TNKS: variants seen among roughly 807,000 people sequenced by gnomAD.
TNKS encodes the protein poly [ADP-ribose] polymerase tankyrase-1.
Under a neutral mutation model 135.8 loss-of-function variants are expected in TNKS, and 72 were observed. The observed-to-expected ratio is 0.53, with a 90% CI of 0.44 to 0.64. The LOEUF is 0.64. Among genes scored for constraint, TNKS ranks in the 30% least tolerant of loss-of-function variants. The pLI, the probability that TNKS is intolerant of heterozygous loss-of-function variation, is 0.00. For missense variants in TNKS, 1,769 were observed against 1,674.0 expected (o/e 1.06, Z -0.99); for synonymous variants, 849 against 649.3 (o/e 1.31, Z -4.68).
intron 3 of TNKS, among the ~76,000 whole-genome samples, chr8:9,672,591 A>G (rs1198251726): frequency 6.7e-6 from 1 of 148,926 alleles, no homozygotes; most frequent in East Asian, 2.0e-4. Flanking sequence ...GTTGTTTTGG[A>G]TCAAATAGGG....
At chr8:9,650,033 C>G (rs1056543902) in intron 3 of TNKS, among the ~76,000 whole-genome samples, 1 of 151,798 alleles carries the variant, frequency 6.6e-6, no homozygotes, top group African/African-American at 2.4e-5. Flanking sequence ...GCTGGGATTA[C>G]AGGCATGTGC....
chr8:9,716,100 G>C (rs1804587566), intron 11 of TNKS, among the ~76,000 whole-genome samples: 1 of 152,046 alleles, frequency 6.6e-6, no homozygotes, highest in South Asian at 2.1e-4. Flanking sequence ...GAATTTTTTT[G>C]ACAGTTCATA....
intron 3 of TNKS, among the ~76,000 whole-genome samples, chr8:9,630,396 G>C (rs541506069): frequency 6.6e-6 from 1 of 152,304 alleles, no homozygotes; most frequent in South Asian, 2.1e-4. Flanking sequence ...AATTGACAAT[G>C]AGAAGATTTG....
In TNKS at chr8:9,731,062, G is replaced by C. The variant is rs752572388; in HGVS notation, c.2147+27G>C. On this transcript the variant is annotated intron_variant, in intron 14 of 26. Transcript: ENST00000310430. ...TACGTGTTAGAAGTTAGCTGTTTGG[G>C]AGTCATTCTCTTCATGCTTAAAAAA... 3.2e-6 allele frequency: 5 copies of C among 1,544,374 alleles called. No homozygotes were observed. In the South Asian group the frequency reaches 4.9e-5, roughly 15 times the overall value.
At chr8:9,602,310 G>A (rs563410473) in intron 2 of TNKS, among the ~76,000 whole-genome samples, 1 of 152,174 alleles carries the variant, frequency 6.6e-6, no homozygotes, top group Non-Finnish European at 1.5e-5. Flanking sequence ...CATGGTCTAC[G>A]TATCGCAGGA....
intron 3 of TNKS, among the ~76,000 whole-genome samples, chr8:9,665,170 C>T (rs1801930213): frequency 6.6e-6 from 1 of 152,132 alleles, no homozygotes; most frequent in African/African-American, 2.4e-5. Context: ...TTTCCATTTG[C>T]TGTTTTGAAA....
chr8:9,586,435 A>G lies in TNKS; in HGVS notation c.898+6052A>G, dbSNP rs557590673. Among the ~76,000 whole-genome samples the G allele has an allele frequency of 2.3e-4, 35 of 152,042 alleles. 1 individual carries two copies. The South Asian group carries it at 7.0e-3, about 31-fold the overall frequency. On this transcript the variant is annotated intron_variant, in intron 2 of 26. Transcript: ENST00000310430. ...GATTTCTGCTGTTTTTTTTCCCATT[A>G]TTTATACTTCAGGGACTCCTTGTTA...
At chr8:9,663,002 C>T (rs559816406) in intron 3 of TNKS, among the ~76,000 whole-genome samples, 5 of 152,066 alleles carry the variant, frequency 3.3e-5, no homozygotes, top group Admixed American at 2.0e-4. Flanking sequence ...TGGATAGGCC[C>T]AGTATAATCA....
At chr8:9,766,927 G>C (rs1354277221) in intron 25 of TNKS, among the ~76,000 whole-genome samples, 2 of 152,106 alleles carry the variant, frequency 1.3e-5, no homozygotes, top group Non-Finnish European at 2.9e-5. Context: ...AGATAACTAG[G>C]GGTAAAAACC....
intron 3 of TNKS, among the ~76,000 whole-genome samples, chr8:9,635,199 C>T (rs564286005): frequency 5.3e-5 from 8 of 150,698 alleles, no homozygotes; most frequent in South Asian, 2.1e-4. Flanking sequence ...AAGTAATGAA[C>T]TGCTCAAAGA....
intron 5 of TNKS, among the ~76,000 whole-genome samples, chr8:9,682,236 G>A (rs1444143208): frequency 6.6e-6 from 1 of 151,974 alleles, no homozygotes; most frequent in Non-Finnish European, 1.5e-5. Flanking sequence ...TGTTTCGCCC[G>A]GCCTACGTCA....
intron 3 of TNKS, among the ~76,000 whole-genome samples, chr8:9,679,234 A>T (rs1196401763): frequency 3.3e-5 from 5 of 152,204 alleles, no homozygotes; most frequent in Admixed American, 6.5e-5. Context: ...AAGATTTATT[A>T]TATGTTAAAA....
At chr8:9,696,458 A>C (rs576716027) in intron 5 of TNKS, among the ~76,000 whole-genome samples, 1 of 152,286 alleles carries the variant, frequency 6.6e-6, no homozygotes, top group South Asian at 2.1e-4. Context: ...TCAGGCAAGA[A>C]AAAGAAATAA....
chr8:9,637,794 A>T (rs907188930), intron 3 of TNKS, among the ~76,000 whole-genome samples: 10 of 152,224 alleles, frequency 6.6e-5, no homozygotes, highest in Admixed American at 2.6e-4. Flanking sequence ...TAGGAGAGAA[A>T]TCTAGCCAGG....
At chr8:9,589,091 C>G (rs1453073712) in intron 2 of TNKS, among the ~76,000 whole-genome samples, 1 of 152,106 alleles carries the variant, frequency 6.6e-6, no homozygotes, top group African/African-American at 2.4e-5. Flanking sequence ...TTCCCTGCTC[C>G]CACTGAACCT....
chr8:9,638,979 G>C (rs1800624298), intron 3 of TNKS, among the ~76,000 whole-genome samples: 1 of 152,128 alleles, frequency 6.6e-6, no homozygotes, highest in South Asian at 2.1e-4. Flanking sequence ...GGATGGGGGT[G>C]TCTTGAAAAT....
At chr8:9,746,930 T>G (rs919953268) in intron 17 of TNKS, among the ~76,000 whole-genome samples, 1 of 139,662 alleles carries the variant, frequency 7.2e-6, no homozygotes, top group African/African-American at 2.7e-5. Flanking sequence ...GTAACCAGGC[T>G]GCGGTGCGGT....
intron 22 of TNKS, among the ~76,000 whole-genome samples, chr8:9,763,462 G>GTCTT (rs1807257023): frequency 6.6e-6 from 1 of 152,088 alleles, no homozygotes; most frequent in African/African-American, 2.4e-5. Context: ...GGGCCCATCT[G>GTCTT]TCTTTTTATT....
rs1274837424 is a variant in TNKS, at chr8:9,720,565, C to A, written c.1921+20C>A. 1.9e-6 allele frequency: 3 copies of A among 1,590,348 alleles called. No homozygotes were observed. In the South Asian group the frequency reaches 3.4e-5, roughly 18 times the overall value. ...TGAGTGGTGAGTTAAAATAGACCAA[C>A]AGGGCATTTTATGTTTTCTCTTCCA... is the stretch of plus-strand genomic sequence containing the variant. On this transcript the variant is annotated intron_variant, in intron 12 of 26. Coordinates refer to ENST00000310430, the MANE Select transcript of TNKS (RefSeq NM_003747.3).
Sources: allele counts gnomAD v4.1 joint callset (sites outside exome capture counted in the v4.1 genomes callset), GRCh38; gene constraint gnomAD v4.1.1; transcripts MANE v1.5; gene names NCBI Gene and HGNC (gene_info 2026-07-23, HGNC 2026-07-21).